The following XKR4 variants were observed in gnomAD, a reference collection of about 807,000 sequenced individuals.
XKR4 encodes XK related 4.
In XKR4, 12 loss-of-function variants were observed where a neutral mutation model predicts 53.9. That is an observed-to-expected ratio of 0.22 (90% CI 0.14 to 0.36). The LOEUF is 0.36. Among genes scored for constraint, XKR4 ranks in the 10% least tolerant of loss-of-function variants. XKR4 has a pLI of 1.00. For synonymous variants in XKR4, 354 were observed against 362.4 expected (o/e 0.98, Z 0.26); for missense variants, 799 against 859.5 (o/e 0.93, Z 0.88).
intron 1 of XKR4, among the ~76,000 whole-genome samples, chr8:55,140,423 C>G (rs1816687060): frequency 6.6e-6 from 1 of 152,228 alleles, no homozygotes; most frequent in Non-Finnish European, 1.5e-5. Context: ...TGACAAGATG[C>G]TCCTGTTGCT....
chr8:55,217,778 A>ATAGAT (rs1437760130), intron 1 of XKR4, among the ~76,000 whole-genome samples: 1 of 151,242 alleles, frequency 6.6e-6, no homozygotes, highest in Non-Finnish European at 1.5e-5. Flanking sequence ...AGATAGATAG[A>ATAGAT]TAGATAGATA....
chr8:55,142,130 C>G (rs1251132077), intron 1 of XKR4: 1 of 456,108 alleles, frequency 2.2e-6, no homozygotes, highest in Non-Finnish European at 4.4e-6. Context: ...TACCTCCATT[C>G]TTTCCCCCAC....
intron 2 of XKR4, chr8:55,452,174 G>A: frequency 4.1e-6 from 3 of 725,522 alleles, no homozygotes; most frequent in Non-Finnish European, 7.1e-6. Context: ...AGAAGAGCTC[G>A]GCACTGTCAG....
intron 1 of XKR4, among the ~76,000 whole-genome samples, chr8:55,154,085 T>C (rs1412942593): frequency 6.6e-6 from 1 of 152,208 alleles, no homozygotes; most frequent in Non-Finnish European, 1.5e-5. Flanking sequence ...TTTAGGACTC[T>C]TAATGACAGG....
At position 55,535,716 on chromosome 8, in the gene XKR4, C is replaced by G. The variant is rs1807022904; in HGVS notation, c.*11489C>G. On this transcript the variant is annotated 3_prime_UTR_variant, in exon 3 of 3. Transcript: ENST00000327381. Reference sequence around the variant, plus strand: ...GGCTCATCCATAGTATTTGCCTTTTCACAGAGCAGAGAAGTTCAAAATAGT... The same window carrying G: ...GGCTCATCCATAGTATTTGCCTTTTGACAGAGCAGAGAAGTTCAAAATAGT... 1 of 152,240 alleles carries G rather than the reference C, an allele frequency of 6.6e-6. No individual in the cohort carries two copies. The highest frequency in any genetic ancestry group is 6.5e-5 in the Admixed American group (1 of 15,282). The allele number at this position is 152,240 out of a possible 1,614,324, so 9.4% of individuals were successfully genotyped here. A position where few individuals can be genotyped will look rare whatever the true frequency, so the allele number is the denominator to read the frequency against.
intron 1 of XKR4, among the ~76,000 whole-genome samples, chr8:55,339,154 G>A (rs1393472691): frequency 2.0e-5 from 3 of 152,174 alleles, no homozygotes; most frequent in South Asian, 2.1e-4. Flanking sequence ...GACTGGAAAC[G>A]CGAGGCTGTT....
In XKR4 at chr8:55,538,083, G is replaced by A. The variant is rs1274404872; in HGVS notation, c.*13856G>A. ...GACTGTCTTAAATATACTTAAATAT[G>A]TTATTCTACAAAACAATATCCTTTT... On this transcript the variant is annotated 3_prime_UTR_variant, in exon 3 of 3. Coordinates refer to ENST00000327381, the MANE Select transcript of XKR4 (RefSeq NM_052898.2). 2.0e-5 allele frequency: 3 copies of A among 152,240 alleles called. No homozygotes were observed. In the South Asian group the frequency reaches 6.2e-4, roughly 32 times the overall value. The allele number at this position is 152,240 out of a possible 1,614,324, so 9.4% of individuals were successfully genotyped here. A position where few individuals can be genotyped will look rare whatever the true frequency, so the allele number is the denominator to read the frequency against.
chr8:55,300,277 G>A (rs1389992305), intron 1 of XKR4, among the ~76,000 whole-genome samples: 1 of 152,166 alleles, frequency 6.6e-6, no homozygotes, highest in Non-Finnish European at 1.5e-5. Flanking sequence ...ATGAGTGTTG[G>A]GACCTGGAAG....
rs1297235955 is a variant in XKR4, at chr8:55,523,423, C to T, written c.1149C>T (p.Ile383=). The T allele has an allele frequency of 1.2e-5, 20 of 1,614,120 alleles. No individual in the cohort carries two copies. Among genetic ancestry groups the T allele is most frequent in the Non-Finnish European group, 1.7e-5 (20 of 1,180,052 alleles). The change falls in exon 3 of 3, where the codon ATC becomes ATT. Residue 383 remains isoleucine (I), a synonymous_variant. Transcript: ENST00000327381. ...IIQFCWHFFT[I]AARVITFALF... ...AGTTCTGCTGGCACTTCTTCACCAT[C>T]GCCGCCAGGGTCATCACGTTTGCCC...
At chr8:55,363,569 A>G (rs1429887599) in intron 2 of XKR4, among the ~76,000 whole-genome samples, 1 of 152,168 alleles carries the variant, frequency 6.6e-6, no homozygotes, top group Non-Finnish European at 1.5e-5. Flanking sequence ...TTGAGACCTA[A>G]CACTGGCTTG....
At chr8:55,376,939 C>CACACAA (rs1346598083) in intron 2 of XKR4, among the ~76,000 whole-genome samples, 1 of 116,916 alleles carries the variant, frequency 8.6e-6, no homozygotes, top group Non-Finnish European at 1.7e-5. Context: ...TCCATACACA[C>CACACAA]ACACAAACAC....
At chr8:55,414,207 T>C (rs1233144456) in intron 2 of XKR4, among the ~76,000 whole-genome samples, 1 of 152,180 alleles carries the variant, frequency 6.6e-6, no homozygotes, top group Non-Finnish European at 1.5e-5. Context: ...ATTAGAATAT[T>C]AAATAGAGGC....
At chr8:55,416,005 A>G (rs1804840964) in intron 2 of XKR4, among the ~76,000 whole-genome samples, 1 of 152,182 alleles carries the variant, frequency 6.6e-6, no homozygotes, top group Non-Finnish European at 1.5e-5. Flanking sequence ...AGTAGAAGCA[A>G]TATGATTTTG....
intron 2 of XKR4, among the ~76,000 whole-genome samples, chr8:55,393,524 C>T (rs1804474610): frequency 6.6e-6 from 1 of 151,992 alleles, no homozygotes; most frequent in Non-Finnish European, 1.5e-5. Context: ...TATATGATGG[C>T]TATATGGGGG....
chr8:55,246,291 G>A (rs929829943), intron 1 of XKR4, among the ~76,000 whole-genome samples: 1 of 152,212 alleles, frequency 6.6e-6, no homozygotes, highest in Non-Finnish European at 1.5e-5. Context: ...CAGTGCCTCA[G>A]GGGCAGTGGA....
chr8:55,369,963 G>A (rs114131550), intron 2 of XKR4, among the ~76,000 whole-genome samples: 3,270 of 152,214 alleles, frequency 0.021, 105 homozygotes, highest in African/African-American at 0.071. Flanking sequence ...AGGAGGCTGA[G>A]GCAGGAGGAT....
intron 1 of XKR4, among the ~76,000 whole-genome samples, chr8:55,324,162 T>C (rs1445359495): frequency 2.0e-5 from 3 of 152,192 alleles, no homozygotes; most frequent in African/African-American, 7.2e-5. Context: ...GTGGTGCAAA[T>C]GCTGCTCACT....
At chr8:55,510,981 C>G (rs985875019) in intron 2 of XKR4, among the ~76,000 whole-genome samples, 1 of 152,180 alleles carries the variant, frequency 6.6e-6, no homozygotes, top group Non-Finnish European at 1.5e-5. Flanking sequence ...TGCTACCCAT[C>G]CATGTCCTCA....
rs1805434529 is a variant in XKR4 at position 55,451,097 on chromosome 8, C to T, written c.1007-72184C>T. On this transcript the variant is annotated intron_variant, in intron 2 of 2. Coordinates refer to ENST00000327381, the MANE Select transcript of XKR4 (RefSeq NM_052898.2). ...AGGGGTCCGGCCGCACATTCTTGAG[C>T]TGGCCTTTGTCCCCGAGGATGTAGA... is the stretch of plus-strand genomic sequence containing the variant. 3.5e-5 allele frequency: 18 copies of T among 517,900 alleles called. No homozygotes were observed. In the South Asian group the frequency reaches 3.6e-4, roughly 10 times the overall value. 32.1% of individuals were successfully genotyped at this position (517,900 alleles called of 1,614,324 possible).
Sources: allele counts gnomAD v4.1 joint callset (sites outside exome capture counted in the v4.1 genomes callset), GRCh38; gene constraint gnomAD v4.1.1; transcripts MANE v1.5; gene names NCBI Gene and HGNC (gene_info 2026-07-23, HGNC 2026-07-21).